INPP4B: variants seen among roughly 807,000 people sequenced by gnomAD.
The protein encoded by INPP4B is inositol polyphosphate-4-phosphatase type II B, also known as inositol polyphosphate 4-phosphatase type II.
In INPP4B, 55 loss-of-function variants were observed where a neutral mutation model predicts 122.5. That is an observed-to-expected ratio of 0.45 (90% CI 0.36 to 0.56). The LOEUF (loss-of-function observed/expected upper bound fraction) is 0.56. Ranked by LOEUF, INPP4B falls within the 20% of genes least tolerant of loss-of-function variation. The probability of loss-of-function intolerance (pLI) is 0.00; values close to 1 mark genes in which losing one functional copy is unlikely to be tolerated. For synonymous variants in INPP4B, 403 were observed against 388.7 expected (o/e 1.04, Z -0.43); for missense variants, 1,000 against 1,097.7 (o/e 0.91, Z 1.26).
At chr4:142,534,811 T>A (rs1241750084) in intron 2 of INPP4B, among the ~76,000 whole-genome samples, 1 of 151,988 alleles carries the variant, frequency 6.6e-6, no homozygotes, top group African/African-American at 2.4e-5. Flanking sequence ...TCCTTGCTCT[T>A]AAATTTCCTT....
chr4:142,257,054 C>T (rs150085833), intron 11 of INPP4B, among the ~76,000 whole-genome samples: 15,563 of 152,070 alleles, frequency 0.1, 893 homozygotes, highest in Middle Eastern at 0.15. Flanking sequence ...GTTCAATATA[C>T]GCAAATCAAT....
chr4:142,391,835 A>G (rs1186246190), intron 7 of INPP4B, among the ~76,000 whole-genome samples: 1 of 152,230 alleles, frequency 6.6e-6, no homozygotes, highest in East Asian at 1.9e-4. Flanking sequence ...AGCTTCAGGT[A>G]CATTTGGTTG....
At chr4:142,678,758 A>G (rs1279283923) in intron 2 of INPP4B, among the ~76,000 whole-genome samples, 1 of 151,970 alleles carries the variant, frequency 6.6e-6, no homozygotes, top group African/African-American at 2.4e-5. Flanking sequence ...CATCTTAAAC[A>G]TGAGTAGCTG....
chr4:142,150,129 C>A (rs1375567194), intron 17 of INPP4B, among the ~76,000 whole-genome samples: 1 of 152,178 alleles, frequency 6.6e-6, no homozygotes. Flanking sequence ...ACTCACTGTG[C>A]CAGTCCACAG....
chr4:142,189,570 T>G (rs1266316240), intron 15 of INPP4B, among the ~76,000 whole-genome samples: 1 of 152,014 alleles, frequency 6.6e-6, no homozygotes, highest in African/African-American at 2.4e-5. Context: ...AAAGCCTAAT[T>G]ATAAGGGTGA....
chr4:142,705,254 T>C (rs1762320314), intron 2 of INPP4B, among the ~76,000 whole-genome samples: 1 of 152,172 alleles, frequency 6.6e-6, no homozygotes, highest in South Asian at 2.1e-4. Flanking sequence ...ATCCAGATCG[T>C]GCTTCTCCGC....
chr4:142,152,235 C>T (rs530983238), intron 17 of INPP4B, among the ~76,000 whole-genome samples: 42 of 151,604 alleles, frequency 2.8e-4, no homozygotes, highest in South Asian at 1.5e-3. Flanking sequence ...CCACCACACC[C>T]GGCTAATTTT....
chr4:142,764,844 C>A (rs962993128), intron 1 of INPP4B, among the ~76,000 whole-genome samples: 2 of 151,842 alleles, frequency 1.3e-5, no homozygotes, highest in African/African-American at 4.8e-5. Flanking sequence ...TAAGGCTAGA[C>A]CATCGAGGCC....
At chr4:142,089,146 A>G (rs1286181264) in intron 23 of INPP4B, among the ~76,000 whole-genome samples, 1 of 152,182 alleles carries the variant, frequency 6.6e-6, no homozygotes, top group Non-Finnish European at 1.5e-5. Context: ...AAGGAGAATC[A>G]TGTTCTGCTC....
chr4:142,422,186 A>G (rs1807039315), intron 5 of INPP4B, among the ~76,000 whole-genome samples: 2 of 152,146 alleles, frequency 1.3e-5, no homozygotes, highest in African/African-American at 4.8e-5. Context: ...GTTTTCTTAC[A>G]TAGAAATCAG....
At chr4:142,224,563 G>A (rs1356421801) in intron 12 of INPP4B, among the ~76,000 whole-genome samples, 1 of 152,066 alleles carries the variant, frequency 6.6e-6, no homozygotes, top group Non-Finnish European at 1.5e-5. Context: ...CAGAGAATGT[G>A]TCTCTTTAAC....
chr4:142,418,629 G>C (rs1042933025), intron 5 of INPP4B, among the ~76,000 whole-genome samples: 9 of 152,058 alleles, frequency 5.9e-5, no homozygotes, highest in African/African-American at 1.9e-4. Flanking sequence ...CAGCTAAGGG[G>C]GGACAATAAG....
At chr4:142,436,737 G>C (rs1164349804) in intron 3 of INPP4B, among the ~76,000 whole-genome samples, 1 of 151,068 alleles carries the variant, frequency 6.6e-6, no homozygotes, top group Non-Finnish European at 1.5e-5. Context: ...TGTCCCCACA[G>C]AAACCTCATC....
chr4:142,068,423 C>A (rs1159914974), intron 25 of INPP4B, among the ~76,000 whole-genome samples: 2 of 152,176 alleles, frequency 1.3e-5, no homozygotes, highest in African/African-American at 4.8e-5. Context: ...ACTGCATCAA[C>A]TAACGAGCAA....
At chr4:142,442,081 G>T (rs1325894878) in intron 3 of INPP4B, among the ~76,000 whole-genome samples, 5 of 151,898 alleles carry the variant, frequency 3.3e-5, no homozygotes, top group African/African-American at 4.8e-5. Context: ...TGTAGAAAAA[G>T]ATTTTTCAAC....
At chr4:142,369,907 G>T (rs1205566273) in intron 7 of INPP4B, among the ~76,000 whole-genome samples, 1 of 144,404 alleles carries the variant, frequency 6.9e-6, no homozygotes, top group Non-Finnish European at 1.5e-5. Flanking sequence ...CTCCAGGCCT[G>T]AGGGACAAAG....
chr4:142,299,167 TTTG>T (rs1760196632), intron 9 of INPP4B, among the ~76,000 whole-genome samples: 2 of 143,906 alleles, frequency 1.4e-5, no homozygotes, highest in African/African-American at 2.7e-5. Flanking sequence ...TTTTTTTTTT[TTTG>T]GGGGGGAGAC....
chr4:142,128,259 CACAT>C (rs1799542370), intron 18 of INPP4B, among the ~76,000 whole-genome samples: 3 of 151,726 alleles, frequency 2.0e-5, no homozygotes, highest in Admixed American at 2.0e-4. Context: ...TGTGCACACA[CACAT>C]ACACACAATC....
intron 15 of INPP4B, among the ~76,000 whole-genome samples, chr4:142,189,358 T>G (rs1410106329): frequency 1.3e-5 from 2 of 152,216 alleles, no homozygotes; most frequent in East Asian, 1.9e-4. Flanking sequence ...GATTTCTATG[T>G]GAATTCCAAT....
Sources: allele counts gnomAD v4.1 joint callset (sites outside exome capture counted in the v4.1 genomes callset), GRCh38; gene constraint gnomAD v4.1.1; transcripts MANE v1.5; gene names NCBI Gene and HGNC (gene_info 2026-07-23, HGNC 2026-07-21).